The following LEUTX variants were observed in gnomAD, a reference collection of about 807,000 sequenced individuals.
The protein encoded by LEUTX is paired-like homeodomain transcription factor LEUTX.
LEUTX carries 5 observed loss-of-function variants against 4.5 expected under a neutral mutation model. The ratio of observed to expected loss-of-function variants is 1.11; its 90% CI spans 0.58 to 2.34. The LOEUF is 2.34. Among genes scored for constraint, LEUTX ranks in the 30% most tolerant of loss-of-function variants. The probability of loss-of-function intolerance (pLI) is 0.01; values close to 1 mark genes in which losing one functional copy is unlikely to be tolerated. For missense variants in LEUTX, 233 were observed against 239.4 expected, an observed-to-expected ratio of 0.97 and a Z score of 0.18; for synonymous variants, 89 against 85.1, an observed-to-expected ratio of 1.05 and a Z score of -0.25.
At chr19:39,785,266 T>G (rs1175328335) in intron 2 of LEUTX, among the ~76,000 whole-genome samples, 1 of 152,108 alleles carries the variant, frequency 6.6e-6, no homozygotes, top group Non-Finnish European at 1.5e-5. Flanking sequence ...CAAGACCATG[T>G]CTTTACAAAC....
rs1427766096 is a variant in LEUTX, at chr19:39,785,754, G to C, written c.216G>C (p.Gln72His). 6.4e-7 allele frequency: 1 copy of C among 1,551,668 alleles called. No homozygotes were observed. The highest frequency in any genetic ancestry group is 1.4e-5 in the African/African-American group (1 of 73,052). Reference protein sequence around the residue: ...KWKRQQRQQMQTRPSLGPANQ... With the variant: ...KWKRQQRQQMHTRPSLGPANQ... Reference sequence around the variant, plus strand: ...AGAGGCAGCAGCGGCAGCAAATGCAGACACGGCCATCACTAGGGCCAGCAA... The same window carrying C: ...AGAGGCAGCAGCGGCAGCAAATGCACACACGGCCATCACTAGGGCCAGCAA... The change falls in exon 3 of 3, where the codon CAG becomes CAC. Residue 72 changes from glutamine (Q) to histidine (H), a missense_variant. Transcript: ENST00000638280.
chr19:39,780,422 A>G lies in LEUTX; in HGVS notation c.7+1495A>G, dbSNP rs1326402016. ...TTCCTGGTATTCTGATATTTTTGCAACAACGATCCTTTTGTTCATTTATTG... is the reference window on the plus strand; with the variant it reads ...TTCCTGGTATTCTGATATTTTTGCAGCAACGATCCTTTTGTTCATTTATTG... On this transcript the variant is annotated intron_variant, in intron 1 of 2. Coordinates refer to ENST00000638280, the MANE Select transcript of LEUTX (RefSeq NM_001382345.1). Among the ~76,000 whole-genome samples the G allele has an allele frequency of 5.3e-5, 8 of 152,288 alleles. No individual in the cohort carries two copies. In the East Asian group the frequency reaches 1.5e-3, roughly 29 times the overall value.
Position 39,786,187 on chromosome 19 carries a change from AT to A in LEUTX, c.*55del. 1 of 1,314,788 alleles carries A rather than the reference AT, an allele frequency of 7.6e-7. No individual in the cohort carries two copies. The highest frequency in any genetic ancestry group is 1.0e-6 in the Non-Finnish European group (1 of 973,642). 81.4% of individuals were successfully genotyped at this position (1,314,788 alleles called of 1,614,324 possible). On this transcript the variant is annotated 3_prime_UTR_variant, in exon 3 of 3. Coordinates refer to ENST00000638280, the MANE Select transcript of LEUTX (RefSeq NM_001382345.1). ...GTCTGGATCTGACCCACTGAGACAT[AT>A]TTCCACACATCTTTAATGGTTTGAC...
intron 1 of LEUTX, among the ~76,000 whole-genome samples, chr19:39,779,974 G>A (rs549487994): frequency 2.6e-5 from 4 of 152,156 alleles, no homozygotes; most frequent in East Asian, 1.9e-4. Flanking sequence ...AGATTGCACC[G>A]CTGTACTCCA....
Position 39,786,198 on chromosome 19 carries a change from T to C in LEUTX, c.*63T>C. 1 of 1,274,358 alleles carries C rather than the reference T, an allele frequency of 7.8e-7. No homozygotes were observed. The allele number at this position is 1,274,358 out of a possible 1,614,324, so 78.9% of individuals were successfully genotyped here. A position where few individuals can be genotyped will look rare whatever the true frequency, so the allele number is the denominator to read the frequency against. Reference sequence around the variant, plus strand: ...ACCCACTGAGACATATTTCCACACATCTTTAATGGTTTGACCCCAGTCTAA... The same window carrying C: ...ACCCACTGAGACATATTTCCACACACCTTTAATGGTTTGACCCCAGTCTAA... On this transcript the variant is annotated 3_prime_UTR_variant, in exon 3 of 3. Coordinates refer to ENST00000638280, the MANE Select transcript of LEUTX (RefSeq NM_001382345.1).
Position 39,785,823 on chromosome 19 carries a change from A to C in LEUTX, c.285A>C (p.Ile95=). Residue 95 remains isoleucine (I), a synonymous_variant, in exon 3 of 3, where the codon ATA becomes ATC. Transcript: ENST00000638280. ...AGAAGGAGGAGACTCCCTCAGCCAT[A>C]ACTACTGCAAACATTCGTCCAGTAA... The part of the protein sequence containing the change: ...SVKKEETPSA[I]TTANIRPVSP... The C allele has an allele frequency of 6.4e-7, 1 of 1,551,736 alleles. No individual in the cohort carries two copies. Among genetic ancestry groups the C allele is most frequent in the Non-Finnish European group, 8.7e-7 (1 of 1,146,988 alleles).
At chr19:39,782,408 C>G (rs1967900228) in intron 1 of LEUTX, among the ~76,000 whole-genome samples, 1 of 152,154 alleles carries the variant, frequency 6.6e-6, no homozygotes, top group Admixed American at 6.6e-5. Flanking sequence ...GTCTCATTCC[C>G]TCTCTTGCTT....
rs569816347 is a variant in LEUTX at position 39,784,709 on chromosome 19, C to T, written c.159+31C>T. 175 of 1,485,796 alleles carry T rather than the reference C, an allele frequency of 1.2e-4. 1 individual carries two copies. In the Middle Eastern group the frequency reaches 1.4e-3, roughly 12 times the overall value. 92.0% of individuals were successfully genotyped at this position (1,485,796 alleles called of 1,614,324 possible). ...TTCCCAAGTGTGTCTGTAGGTAGCA[C>T]GCCTAACCCAGAGCTTCACACACAC... On this transcript the variant is annotated intron_variant, in intron 2 of 2. Transcript: ENST00000638280.
intron 1 of LEUTX, among the ~76,000 whole-genome samples, chr19:39,783,071 A>T (rs1003253975): frequency 6.6e-6 from 1 of 151,260 alleles, no homozygotes; most frequent in African/African-American, 2.4e-5. Flanking sequence ...CCATTGTGTC[A>T]TTCTTATGCC....
At chr19:39,777,510 T>C (rs1278593997), upstream of LEUTX, among the ~76,000 whole-genome samples, 1 of 152,154 alleles carries the variant, frequency 6.6e-6, no homozygotes, top group Non-Finnish European at 1.5e-5. Flanking sequence ...AATATATCAC[T>C]CTCTTTCCAT....
chr19:39,778,036 G>A (rs1967824085), upstream of LEUTX, among the ~76,000 whole-genome samples: 2 of 151,994 alleles, frequency 1.3e-5, no homozygotes, highest in South Asian at 2.1e-4. Flanking sequence ...TTGAGTGTGG[G>A]GAGGCCATAT....
At chr19:39,777,936 G>A (rs998921029), upstream of LEUTX, among the ~76,000 whole-genome samples, 71 of 152,170 alleles carry the variant, frequency 4.7e-4, no homozygotes, top group African/African-American at 1.6e-3. Context: ...GTGGGGGTGT[G>A]GAGGTTGCGG....
upstream of LEUTX, among the ~76,000 whole-genome samples, chr19:39,777,056 A>C (rs185019657): frequency 1.8e-4 from 28 of 152,216 alleles, no homozygotes; most frequent in African/African-American, 6.5e-4. Flanking sequence ...CCTCAACTAC[A>C]GTGGCCTCTT....
intron 1 of LEUTX, among the ~76,000 whole-genome samples, chr19:39,783,933 G>C (rs960196803): frequency 6.6e-6 from 1 of 152,020 alleles, no homozygotes; most frequent in Admixed American, 6.5e-5. Flanking sequence ...TAGACTGTGG[G>C]TTGTCTAGAA....
intron 1 of LEUTX, among the ~76,000 whole-genome samples, chr19:39,782,241 A>T (rs1178701760): frequency 1.3e-5 from 2 of 152,048 alleles, no homozygotes; most frequent in Admixed American, 6.5e-5. Flanking sequence ...CCCAAATCTC[A>T]TCTTGAATTG....
upstream of LEUTX, among the ~76,000 whole-genome samples, chr19:39,778,494 A>G (rs1005463854): frequency 6.6e-6 from 1 of 151,924 alleles, no homozygotes; most frequent in Admixed American, 6.6e-5. Context: ...GTCCACGCAC[A>G]GGGCACCTCC....
intron 1 of LEUTX, among the ~76,000 whole-genome samples, chr19:39,782,687 G>T (rs1364774981): frequency 6.6e-6 from 1 of 152,032 alleles, no homozygotes; most frequent in Non-Finnish European, 1.5e-5. Context: ...CCCATCTGTG[G>T]CTTAAAAACA....
chr19:39,780,962 C>T (rs1467186267), intron 1 of LEUTX, among the ~76,000 whole-genome samples: 1 of 151,986 alleles, frequency 6.6e-6, no homozygotes, highest in Non-Finnish European at 1.5e-5. Flanking sequence ...CCCTGGCCTC[C>T]CAAAGTGCTA....
At chr19:39,778,812 T>G (rs766412157), upstream of LEUTX, 1 of 152,168 alleles carries the variant, frequency 6.6e-6, no homozygotes, top group Non-Finnish European at 1.5e-5. Flanking sequence ...ATGATTACAT[T>G]AAAATTCTGC....
Sources: allele counts gnomAD v4.1 joint callset (sites outside exome capture counted in the v4.1 genomes callset), GRCh38; gene constraint gnomAD v4.1.1; transcripts MANE v1.5; gene names NCBI Gene and HGNC (gene_info 2026-07-23, HGNC 2026-07-21).